Variants in DMD observed in about 807,000 individuals in gnomAD.
DMD encodes mutant dystrophin.
Under a neutral mutation model 330.1 loss-of-function variants are expected in DMD, and 63 were observed. The ratio of observed to expected loss-of-function variants is 0.19; its 90% CI spans 0.16 to 0.24. DMD has a LOEUF of 0.24. DMD is among the 10% of genes least tolerant of loss of function. The pLI, the probability that DMD is intolerant of heterozygous loss-of-function variation, is 1.00. For missense variants in DMD, 3,344 were observed against 2,684.1 expected, an observed-to-expected ratio of 1.25 and a Z score of -5.43; for synonymous variants, 1,223 against 959.8, an observed-to-expected ratio of 1.27 and a Z score of -5.07.
intron 62 of DMD, among the ~76,000 whole-genome samples, chrX:31,317,693 AG>A (rs2056130232): frequency 1.8e-5 from 2 of 109,863 alleles, no homozygotes; most frequent in African/African-American, 6.6e-5. Context: ...TTGTATTTTT[AG>A]TAGAGACGGG....
rs186167226 is a variant in DMD at position 32,274,035 on chromosome X, C to A, written c.6290+13494G>T. ...ATCTATTCCAGGTAGAGAAAAAATG[C>A]ATATTTAGAGAAGGGAAATTTGTGA... On this transcript the variant is annotated intron_variant, in intron 43 of 78. Transcript: ENST00000357033. Among the ~76,000 whole-genome samples, 229 of 111,387 alleles carry A rather than the reference C, an allele frequency of 2.1e-3. 2 individuals carry two copies. The highest frequency in any genetic ancestry group is 7.2e-3 in the African/African-American group (220 of 30,679).
rs532474787 is a variant in DMD, at chrX:32,745,784, G to C, written c.650-46491C>G. On this transcript the variant is annotated intron_variant, in intron 7 of 78. Coordinates refer to ENST00000357033, the MANE Select transcript of DMD (RefSeq NM_004006.3). ...TCATGGTTATTTACAAAGTAATTCA[G>C]TTTCACTATGATCACGATTTGTATA... 4.6e-4 allele frequency among the ~76,000 whole-genome samples: 52 copies of C among 112,292 alleles called. No homozygotes were observed. In the South Asian group the frequency reaches 0.019, roughly 41 times the overall value.
intron 41 of DMD, among the ~76,000 whole-genome samples, chrX:32,313,390 T>C (rs754502484): frequency 1.4e-4 from 16 of 111,466 alleles, no homozygotes; most frequent in Non-Finnish European, 2.6e-4. Context: ...TAGTTATTGA[T>C]GGGACAAATC....
intron 44 of DMD, among the ~76,000 whole-genome samples, chrX:32,074,777 C>CT (rs199900518): frequency 0.35 from 35,347 of 101,334 alleles, 5,783 homozygotes; most frequent in African/African-American, 0.59. Context: ...TAAAAATAAA[C>CT]TTTTTTTTTT....
chrX:31,639,364 C>T (rs2079596896), intron 54 of DMD, among the ~76,000 whole-genome samples: 1 of 111,651 alleles, frequency 9.0e-6, no homozygotes, highest in Non-Finnish European at 1.9e-5. Flanking sequence ...ATGTGGAAAC[C>T]CTGTTTATAA....
At chrX:32,687,998 A>T (rs923986339) in intron 9 of DMD, among the ~76,000 whole-genome samples, 8 of 111,911 alleles carry the variant, frequency 7.1e-5, no homozygotes, top group African/African-American at 1.9e-4. Context: ...TATTAAAATA[A>T]ATGTTTGAAA....
At chrX:32,328,359 TGTAA>T (rs1179402517) in intron 41 of DMD, among the ~76,000 whole-genome samples, 1 of 111,982 alleles carries the variant, frequency 8.9e-6, no homozygotes, top group Non-Finnish European at 1.9e-5. Context: ...CTTTATTATT[TGTAA>T]GTGTTAACGT....
intron 2 of DMD, among the ~76,000 whole-genome samples, chrX:32,992,286 G>A (rs1428455001): frequency 8.9e-6 from 1 of 111,806 alleles, no homozygotes; most frequent in Non-Finnish European, 1.9e-5. Flanking sequence ...TCCAAACAAT[G>A]GGAAGTAAGA....
At position 31,349,200 on chromosome X, in the gene DMD, G is replaced by A. The variant is rs1268943845; in HGVS notation, c.9085-566C>T. On this transcript the variant is annotated intron_variant, in intron 60 of 78. Coordinates refer to ENST00000357033, the MANE Select transcript of DMD (RefSeq NM_004006.3). Reference sequence around the variant, plus strand: ...CTCATGCCTGTAATCCCAGCACTTTGGGAGGCCAAGTTGGCTGGATCACTT... The same window carrying A: ...CTCATGCCTGTAATCCCAGCACTTTAGGAGGCCAAGTTGGCTGGATCACTT... 3.4e-4 allele frequency among the ~76,000 whole-genome samples: 38 copies of A among 112,639 alleles called. No homozygotes were observed. The Admixed American group carries it at 3.6e-3, about 11-fold the overall frequency.
At chrX:32,340,475 G>C (rs187692061) in intron 41 of DMD, among the ~76,000 whole-genome samples, 35 of 111,450 alleles carry the variant, frequency 3.1e-4, no homozygotes, top group African/African-American at 1.1e-3. Context: ...ACTATGAATA[G>C]GGACATAATG....
intron 7 of DMD, among the ~76,000 whole-genome samples, chrX:32,704,488 A>C: frequency 8.9e-6 from 1 of 112,068 alleles, no homozygotes; most frequent in Non-Finnish European, 1.9e-5. Context: ...TTTCAGGCCA[A>C]GTTTCTGCCA....
chrX:32,178,828 GGGGTGT>G (rs1223428133), intron 44 of DMD, among the ~76,000 whole-genome samples: 24 of 16,696 alleles, frequency 1.4e-3, no homozygotes, highest in African/African-American at 3.9e-3. Flanking sequence ...AATATTCCAG[GGGGTGT>G]GTGTGTGTGT....
At position 31,658,055 on chromosome X, in the gene DMD, A is replaced by T. The variant is rs374433647; in HGVS notation, c.7962T>A (p.Asp2654Glu). The change falls in exon 54 of 79, where the codon GAT becomes GAA. Residue 2654 changes from aspartate (D) to glutamate (E), a missense_variant. Coordinates refer to ENST00000357033, the MANE Select transcript of DMD (RefSeq NM_004006.3). ...ALKLLRDYSADDTRKVHMITE... is the reference protein window; with the variant it reads ...ALKLLRDYSAEDTRKVHMITE... ...TTATCATGTGGACTTTTCTGGTATC[A>T]TCTGCAGAATAATCCCGGAGAAGTT... 8.3e-7 allele frequency: 1 copy of T among 1,209,401 alleles called. No individual in the cohort carries two copies. The highest frequency in any genetic ancestry group is 1.7e-5 in the African/African-American group (1 of 57,227).
chrX:32,434,521 T>C (rs2098251694), intron 29 of DMD, among the ~76,000 whole-genome samples: 1 of 112,534 alleles, frequency 8.9e-6, no homozygotes, highest in South Asian at 3.6e-4. Flanking sequence ...GAATTCTTGA[T>C]TATAACACAT....
chrX:32,923,113 C>T (rs1431790734), intron 2 of DMD, among the ~76,000 whole-genome samples: 2 of 111,492 alleles, frequency 1.8e-5, no homozygotes, highest in Non-Finnish European at 3.8e-5. Flanking sequence ...CCACTTTTAC[C>T]GTTAGAAAGA....
chrX:32,643,969 C>G (rs1432956406), intron 11 of DMD, among the ~76,000 whole-genome samples, 163 bp downstream of exon 11: 5 of 111,702 alleles, frequency 4.5e-5, no homozygotes, highest in Admixed American at 3.8e-4. Context: ...AAGTGAAAAC[C>G]AAAATGTTAT....
At chrX:32,832,841 C>A (rs1416773960) in intron 4 of DMD, among the ~76,000 whole-genome samples, 1 of 111,223 alleles carries the variant, frequency 9.0e-6, no homozygotes, top group Non-Finnish European at 1.9e-5. Context: ...AAACGGTGGG[C>A]CATATTGCCA....
chrX:33,268,907 C>CA (rs202219233), intron 1 of DMD, among the ~76,000 whole-genome samples: 2,247 of 43,223 alleles, frequency 0.052, 56 homozygotes, highest in African/African-American at 0.089. Flanking sequence ...GCCTGGGTGA[C>CA]AAAAAAAAAA....
At chrX:32,902,158 A>AACACAC (rs774414536) in intron 2 of DMD, among the ~76,000 whole-genome samples, 18,150 of 86,434 alleles carry the variant, frequency 0.21, 1,681 homozygotes, top group South Asian at 0.34. Context: ...CACACACACA[A>AACACAC]ACACACACAC....
Sources: allele counts gnomAD v4.1 joint callset (sites outside exome capture counted in the v4.1 genomes callset), GRCh38; gene constraint gnomAD v4.1.1; transcripts MANE v1.5; gene names NCBI Gene and HGNC (gene_info 2026-07-23, HGNC 2026-07-21).